The following CHP1 variants were observed in gnomAD, a reference collection of about 807,000 sequenced individuals.
The protein encoded by CHP1 is calcineurin B homologous protein 1.
Under a neutral mutation model 27.4 loss-of-function variants are expected in CHP1, and 11 were observed. The observed-to-expected ratio is 0.40, with a 90% confidence interval of 0.25 to 0.67. CHP1 has a LOEUF of 0.67. Ranked by LOEUF, CHP1 falls within the 30% of genes least tolerant of loss-of-function variation. The pLI is 0.38. For synonymous variants in CHP1, 89 were observed against 87.4 expected (o/e 1.02, Z -0.10); for missense variants, 169 against 251.3 (o/e 0.67, Z 2.22).
At chr15:41,234,762 C>A (rs1209448967) in intron 1 of CHP1, among the ~76,000 whole-genome samples, 1 of 152,116 alleles carries the variant, frequency 6.6e-6, no homozygotes, top group African/African-American at 2.4e-5. Context: ...AGAATAGTGT[C>A]TGGTATAATA....
chr15:41,276,863 T>C (rs558686241), intron 5 of CHP1, among the ~76,000 whole-genome samples: 1 of 152,302 alleles, frequency 6.6e-6, no homozygotes, highest in South Asian at 2.1e-4. Flanking sequence ...TCCAGGCTGG[T>C]ACAGTACCTA....
chr15:41,254,402 G>A lies in CHP1; in HGVS notation c.141-2508G>A, dbSNP rs1449452821. ...AGCCTTAGTCTTAATTTAAAAGTGA[G>A]TAGTTATTGTTTCTTGACCTCTGTC... On this transcript the variant is annotated intron_variant, in intron 2 of 6. Transcript: ENST00000334660. Among the ~76,000 whole-genome samples the A allele has an allele frequency of 3.9e-5, 6 of 152,326 alleles. No individual in the cohort carries two copies. The East Asian group carries it at 9.6e-4, about 24-fold the overall frequency.
At chr15:41,259,727 G>A (rs750622432) in intron 3 of CHP1, among the ~76,000 whole-genome samples, 5 of 152,072 alleles carry the variant, frequency 3.3e-5, no homozygotes, top group Non-Finnish European at 5.9e-5. Context: ...TAGATACATC[G>A]AAGAACTAAA....
At chr15:41,233,151 T>C (rs1376807900) in intron 1 of CHP1, among the ~76,000 whole-genome samples, 1 of 152,214 alleles carries the variant, frequency 6.6e-6, no homozygotes, top group Admixed American at 6.5e-5. Flanking sequence ...CAACAAGCAT[T>C]TTATTACGTT....
intron 3 of CHP1, among the ~76,000 whole-genome samples, chr15:41,257,428 A>G (rs1239579273): frequency 6.6e-6 from 1 of 151,918 alleles, no homozygotes; most frequent in African/African-American, 2.4e-5. Flanking sequence ...CACATACGTA[A>G]TTTTACATTT....
Position 41,278,785 on chromosome 15 carries a change from G to T in CHP1, c.430G>T (p.Gly144Ter). Residue 144 changes from glycine (G) to a stop codon, truncating the protein, a stop_gained, in exon 6 of 7, where the codon GGA (glycine) becomes TGA (stop). Transcript: ENST00000334660. LOFTEE classifies it high-confidence loss of function. ...CTTCCAGGTGCTACGCATGATGGTC[G>T]GAGTAAATATCTCAGATGAGCAGCT... ...ELLQVLRMMV[G>*]VNISDEQLGS... is the part of the protein sequence containing the mutation. 6.2e-7 allele frequency: 1 copy of T among 1,614,100 alleles called. No homozygotes were observed. Among genetic ancestry groups the T allele is most frequent in the Non-Finnish European group, 8.5e-7 (1 of 1,180,008 alleles).
At chr15:41,278,627 C>G (rs2047531105) in intron 5 of CHP1, 140 bp from the exon 6 acceptor site, 1 of 988,726 alleles carries the variant, frequency 1.0e-6, no homozygotes, top group Admixed American at 2.7e-5. Context: ...GGTCATTAAC[C>G]AAAACATTAT....
At chr15:41,239,468 A>C (rs988369264) in intron 1 of CHP1, among the ~76,000 whole-genome samples, 4 of 151,846 alleles carry the variant, frequency 2.6e-5, no homozygotes, top group Admixed American at 2.0e-4. Flanking sequence ...CAGTGGTGAG[A>C]TTTCAGCTCA....
chr15:41,256,580 A>T (rs1204038091), intron 2 of CHP1: 8 of 283,290 alleles, frequency 2.8e-5, no homozygotes. Flanking sequence ...CAAACTTAAT[A>T]ACTAGGTACG....
intron 2 of CHP1, among the ~76,000 whole-genome samples, chr15:41,243,970 C>T (rs943206924): frequency 6.6e-6 from 1 of 152,070 alleles, no homozygotes; most frequent in South Asian, 2.1e-4. Flanking sequence ...GAGGTCAAGG[C>T]GGGCGGATCA....
rs1381120374 is a variant in CHP1 at position 41,256,912 on chromosome 15, G to A, written c.143G>A (p.Arg48Gln). 2.5e-6 allele frequency: 4 copies of A among 1,613,922 alleles called. No individual in the cohort carries two copies. The highest frequency in any genetic ancestry group is 2.5e-6 in the Non-Finnish European group (3 of 1,179,844). ...LDKGENGTLS[R>Q]EDFQRIPELA... is the part of the protein sequence containing the mutation. ...ACTCAAGGTGATTCTCTTGGCAGCC[G>A]GGAAGATTTCCAGAGGATTCCAGAA... The change falls in exon 3 of 7, where the codon CGG becomes CAG. Residue 48 changes from arginine to glutamine, a missense_variant and splice_region_variant. Physicochemically the swap from Arg to Gln is conservative, Grantham distance 43 (BLOSUM62 1). Transcript: ENST00000334660.
chr15:41,235,042 T>A (rs1363766561), intron 1 of CHP1, among the ~76,000 whole-genome samples: 1 of 152,214 alleles, frequency 6.6e-6, no homozygotes, highest in Non-Finnish European at 1.5e-5. Context: ...AAGAAATGCT[T>A]TCTATTGGCA....
chr15:41,250,090 T>TAAAAAAAAA, intron 2 of CHP1, among the ~76,000 whole-genome samples: 1 of 127,258 alleles, frequency 7.9e-6, no homozygotes, highest in Non-Finnish European at 1.7e-5. Flanking sequence ...GGTGTTATGT[T>TAAAAAAAAA]AAAAAAAAAA....
At chr15:41,244,722 A>C (rs751265849) in intron 2 of CHP1, among the ~76,000 whole-genome samples, 1 of 152,198 alleles carries the variant, frequency 6.6e-6, no homozygotes, top group Non-Finnish European at 1.5e-5. Flanking sequence ...TGGTCTAGGT[A>C]AGTATATGAT....
chr15:41,272,863 A>C (rs1305115542), intron 5 of CHP1, among the ~76,000 whole-genome samples: 1 of 151,538 alleles, frequency 6.6e-6, no homozygotes, highest in Non-Finnish European at 1.5e-5. Flanking sequence ...CCTGGCTAAC[A>C]TGGTGAAACC....
intron 1 of CHP1, among the ~76,000 whole-genome samples, chr15:41,233,143 A>G (rs139758730): frequency 4.1e-4 from 63 of 152,326 alleles, no homozygotes; most frequent in African/African-American, 1.4e-3. Context: ...TTTGGATTCA[A>G]CAAGCATTTT....
chr15:41,268,836 T>C (rs968093927), intron 4 of CHP1, among the ~76,000 whole-genome samples: 3 of 151,054 alleles, frequency 2.0e-5, no homozygotes, highest in African/African-American at 7.3e-5. Context: ...GGTGGGCGCC[T>C]GTAGTCCCAG....
intron 3 of CHP1, among the ~76,000 whole-genome samples, chr15:41,259,070 G>T (rs2047417916): frequency 6.6e-6 from 1 of 152,120 alleles, no homozygotes; most frequent in Non-Finnish European, 1.5e-5. Context: ...TCCTTGAACT[G>T]CCCTGTTTGT....
intron 5 of CHP1, among the ~76,000 whole-genome samples, chr15:41,278,023 G>C (rs1248111170): frequency 1.3e-5 from 2 of 151,294 alleles, no homozygotes; most frequent in Non-Finnish European, 3.0e-5. Flanking sequence ...ATATGGTATT[G>C]TAATCTTTTT....
Sources: gnomAD v4.1 joint callset for allele counts (sites outside exome capture counted in the v4.1 genomes callset) on GRCh38, gnomAD v4.1.1 for gene constraint, MANE v1.5 for transcripts, NCBI Gene and HGNC (gene_info 2026-07-23, HGNC 2026-07-21) for gene names.